The following TSHZ3 variants were observed in gnomAD, a reference collection of about 807,000 sequenced individuals.
The protein encoded by TSHZ3 is teashirt zinc finger homeobox 3.
A neutral mutation model predicts 64.5 loss-of-function variants in TSHZ3; 10 were observed. That is an observed-to-expected ratio of 0.16 (90% CI 0.10 to 0.26). The LOEUF (loss-of-function observed/expected upper bound fraction) is 0.26. Among genes scored for constraint, TSHZ3 ranks in the 10% least tolerant of loss-of-function variants. The pLI, the probability that TSHZ3 is intolerant of heterozygous loss-of-function variation, is 1.00. For synonymous variants in TSHZ3, 608 were observed against 593.1 expected, an observed-to-expected ratio of 1.03 and a Z score of -0.36; for missense variants, 1,242 against 1,421.7, an observed-to-expected ratio of 0.87 and a Z score of 2.03.
At chr19:31,176,339 G>A (rs1488576550) in intron 5 of TSHZ3, among the ~76,000 whole-genome samples, 2 of 152,190 alleles carry the variant, frequency 1.3e-5, no homozygotes, top group Admixed American at 6.5e-5. Context: ...GATGATTTTG[G>A]AATATATAGT....
intron 4 of TSHZ3, among the ~76,000 whole-genome samples, chr19:31,206,136 AATGG>A (rs1191966178): frequency 1.4e-5 from 2 of 143,576 alleles, no homozygotes; most frequent in Non-Finnish European, 3.0e-5. Context: ...TGGATAAATG[AATGG>A]ATGGATGTGT....
chr19:31,228,864 G>A (rs1393614753), intron 3 of TSHZ3, among the ~76,000 whole-genome samples: 1 of 152,178 alleles, frequency 6.6e-6, no homozygotes. Context: ...CTGGAAGTGA[G>A]TGTTCTCAAA....
chr19:31,199,891 G>GA lies in TSHZ3; in HGVS notation n.809+5064dup, dbSNP rs1295579198. ...AATGAAAGAAAACAATGATCCAGCTGAAAAAAATGCGCCAAAGACCTTAAC... is the reference window on the plus strand; with the variant it reads ...AATGAAAGAAAACAATGATCCAGCTGAAAAAAAATGCGCCAAAGACCTTAAC... On this transcript the variant is annotated intron_variant and non_coding_transcript_variant, in intron 5 of 6. Transcript: ENST00000651361. 8.0e-5 allele frequency among the ~76,000 whole-genome samples: 12 copies of GA among 149,166 alleles called. No homozygotes were observed. In the South Asian group the frequency reaches 1.3e-3, roughly 16 times the overall value.
chr19:31,180,074 T>A (rs1423212028), intron 5 of TSHZ3, among the ~76,000 whole-genome samples: 1 of 152,188 alleles, frequency 6.6e-6, no homozygotes, highest in African/African-American at 2.4e-5. Flanking sequence ...TGGCAATTTG[T>A]ATTATAATTA....
chr19:31,273,551 G>A (rs1976175765), downstream of TSHZ3, among the ~76,000 whole-genome samples: 1 of 152,242 alleles, frequency 6.6e-6, no homozygotes, highest in Non-Finnish European at 1.5e-5. Context: ...GGTGATGGAA[G>A]TGTTGTCAGT....
At chr19:31,268,716 G>A (rs1976091469) in intron 1 of TSHZ3, among the ~76,000 whole-genome samples, 2 of 152,170 alleles carry the variant, frequency 1.3e-5, no homozygotes, top group Admixed American at 6.5e-5. Flanking sequence ...TCCTTGGGTT[G>A]AAAGCAATGT....
rs529706192 is a variant in TSHZ3 at position 31,248,409 on chromosome 19, G to A, written n.64-5534C>T. 1.0e-3 allele frequency among the ~76,000 whole-genome samples: 156 copies of A among 152,246 alleles called. 1 individual carries two copies. The highest frequency in any genetic ancestry group is 2.2e-4 in the Non-Finnish European group (15 of 68,024). On this transcript the variant is annotated intron_variant and non_coding_transcript_variant, in intron 1 of 6. Transcript: ENST00000651361. ...GCAAGTTTAAAGGCAAAATAAAGGG[G>A]TAGACAAAACAACTTGCAGCAAGCA...
intron 3 of TSHZ3, among the ~76,000 whole-genome samples, chr19:31,233,347 G>A (rs1174063309): frequency 2.0e-5 from 3 of 152,256 alleles, no homozygotes; most frequent in Non-Finnish European, 2.9e-5. Context: ...AATAACTAAT[G>A]GCACTGAGCA....
At chr19:31,320,811 T>C (rs965252655) in intron 1 of TSHZ3, among the ~76,000 whole-genome samples, 3 of 152,194 alleles carry the variant, frequency 2.0e-5, no homozygotes, top group African/African-American at 7.2e-5. Context: ...GCTTCAGCTG[T>C]AGGTCTGGGT....
At chr19:31,315,479 CAG>C (rs1192747281) in intron 1 of TSHZ3, among the ~76,000 whole-genome samples, 1 of 152,222 alleles carries the variant, frequency 6.6e-6, no homozygotes. Flanking sequence ...CACATCATAT[CAG>C]AGCCAGGCCA....
At position 31,152,283 on chromosome 19, in the gene TSHZ3, CGTGTGT is replaced by C. The variant is rs3064806; in HGVS notation, n.872-545_872-540del. 6.1e-5 allele frequency among the ~76,000 whole-genome samples: 9 copies of C among 147,376 alleles called. 1 individual carries two copies. The highest frequency in any genetic ancestry group is 4.1e-4 in the East Asian group (2 of 4,922). On this transcript the variant is annotated intron_variant and non_coding_transcript_variant, in intron 6 of 6. Transcript: ENST00000651361. ...ATGCAATAACATGTGTATATGTGAG[CGTGTGT>C]GTGTGTGTGTGTGTGTGTGCATGTT...
Position 31,277,530 on chromosome 19 carries a change from T to A in TSHZ3, c.2263A>T (p.Asn755Tyr), listed in dbSNP as rs752840358. ...DPMSMLFKMS[N>Y]SLAEKAAVAT... The stretch of plus-strand genomic sequence containing the variant: ...ACAGCAGCCTTCTCCGCCAGGCTGT[T>A]GCTCATCTTGAAAAGCATGCTCATG... The change falls in exon 2 of 2, where the codon AAC (asparagine) becomes TAC (tyrosine). Residue 755 changes from asparagine (N) to tyrosine (Y), a missense_variant. This residue lies in a region of TSHZ3 where 550 missense variants were observed against 545.1 expected (regional missense o/e 1.01). Coordinates refer to ENST00000240587, the MANE Select transcript of TSHZ3 (RefSeq NM_020856.4). The surrounding 1 kb of genome is among the most constrained non-coding windows in gnomAD (Gnocchi z 4.5). The A allele has an allele frequency of 2.2e-5, 36 of 1,602,370 alleles. No individual in the cohort carries two copies. Among genetic ancestry groups the A allele is most frequent in the Admixed American group, 8.5e-5 (5 of 59,104 alleles).
intron 1 of TSHZ3, among the ~76,000 whole-genome samples, chr19:31,243,892 G>A (rs1018268955): frequency 1.3e-5 from 2 of 152,130 alleles, no homozygotes; most frequent in African/African-American, 2.4e-5. Context: ...GGAGGAGGGC[G>A]GTTTGCACTG....
intron 1 of TSHZ3, among the ~76,000 whole-genome samples, chr19:31,243,616 G>A (rs1975724702): frequency 1.3e-5 from 2 of 152,146 alleles, no homozygotes; most frequent in African/African-American, 4.8e-5. Flanking sequence ...AATAGCAGAA[G>A]CAGAGGGGGT....
At chr19:31,298,055 C>A (rs1568373136) in intron 1 of TSHZ3, among the ~76,000 whole-genome samples, 1 of 152,142 alleles carries the variant, frequency 6.6e-6, no homozygotes, top group Non-Finnish European at 1.5e-5. Flanking sequence ...CTGCGGCCTC[C>A]TAGGTCACCT....
At chr19:31,228,203 C>T (rs1324648861) in intron 3 of TSHZ3, among the ~76,000 whole-genome samples, 1 of 152,120 alleles carries the variant, frequency 6.6e-6, no homozygotes, top group East Asian at 1.9e-4. Flanking sequence ...ATTATTGAAG[C>T]TCTTGTAATT....
chr19:31,201,986 G>A (rs942915516), intron 5 of TSHZ3, among the ~76,000 whole-genome samples: 11 of 152,078 alleles, frequency 7.2e-5, no homozygotes, highest in African/African-American at 2.7e-4. Flanking sequence ...AACCAACGTG[G>A]CAGAACCCCA....
chr19:31,233,199 A>G (rs1249767937), intron 3 of TSHZ3, among the ~76,000 whole-genome samples: 1 of 152,194 alleles, frequency 6.6e-6, no homozygotes, highest in Non-Finnish European at 1.5e-5. Flanking sequence ...CCAGTAATAT[A>G]TGAAAGTTCC....
chr19:31,288,565 C>T (rs937195628), intron 1 of TSHZ3, among the ~76,000 whole-genome samples: 3 of 152,082 alleles, frequency 2.0e-5, no homozygotes, highest in Non-Finnish European at 4.4e-5. Flanking sequence ...GAGGACCTGC[C>T]GATTCTCTGC....
Sources: allele counts gnomAD v4.1 joint callset (sites outside exome capture counted in the v4.1 genomes callset), GRCh38; gene constraint gnomAD v4.1.1; regional missense constraint gnomAD v4.1.1; non-coding constraint Gnocchi (gnomAD v3.1); transcripts MANE v1.5; gene names NCBI Gene and HGNC (gene_info 2026-07-23, HGNC 2026-07-21).